ENTREP2: variants seen among roughly 807,000 people sequenced by gnomAD.
The protein encoded by ENTREP2 is endosomal transmembrane epsin interactor 2.
At chr15:29,667,376 G>C in the ENTREP2 span, among the ~76,000 whole-genome samples, 1 of 150,880 alleles carries the variant, frequency 6.6e-6, no homozygotes, top group South Asian at 2.1e-4. Context: ...TTTTAATAGA[G>C]ACGGGGTTTC....
At chr15:29,541,253 G>A in the ENTREP2 span, among the ~76,000 whole-genome samples, 13 of 152,266 alleles carry the variant, frequency 8.5e-5, no homozygotes, top group Middle Eastern at 3.4e-3. Flanking sequence ...AGCACACTGC[G>A]GAAATTTCAA....
the ENTREP2 span, among the ~76,000 whole-genome samples, chr15:29,283,565 T>C: frequency 6.6e-6 from 1 of 152,126 alleles, no homozygotes; most frequent in African/African-American, 2.4e-5. Context: ...TATCATAGCC[T>C]GCAGCTGGGC....
the ENTREP2 span, among the ~76,000 whole-genome samples, chr15:29,272,863 C>G: frequency 6.6e-6 from 1 of 151,968 alleles, no homozygotes; most frequent in Non-Finnish European, 1.5e-5. Context: ...ACATGAAAAC[C>G]CTGACTGCAT....
At chr15:29,396,803 G>A in the ENTREP2 span, among the ~76,000 whole-genome samples, 8 of 152,152 alleles carry the variant, frequency 5.3e-5, no homozygotes, top group South Asian at 1.5e-3. Flanking sequence ...TTAGTTAAGG[G>A]TCCAACTTCA....
the ENTREP2 span, among the ~76,000 whole-genome samples, chr15:29,589,995 G>A: frequency 6.6e-6 from 1 of 152,178 alleles, no homozygotes. Flanking sequence ...CACTCCCAGT[G>A]AATTTCTTTC....
the ENTREP2 span, among the ~76,000 whole-genome samples, chr15:29,345,965 A>G: frequency 6.6e-6 from 1 of 152,100 alleles, no homozygotes. Flanking sequence ...TTCTCACACC[A>G]ATTCCACAAA....
At chr15:29,540,814 T>C in the ENTREP2 span, among the ~76,000 whole-genome samples, 6 of 152,204 alleles carry the variant, frequency 3.9e-5, no homozygotes. Context: ...ACACAGTTAA[T>C]ACCACTGGAA....
At chr15:29,657,092 C>T in the ENTREP2 span, among the ~76,000 whole-genome samples, 1 of 152,140 alleles carries the variant, frequency 6.6e-6, no homozygotes, top group Non-Finnish European at 1.5e-5. Flanking sequence ...CTGTTCCTCA[C>T]GCCAGAGGGC....
chr15:29,373,625 T>TTTA, the ENTREP2 span: 1 of 147,210 alleles, frequency 6.8e-6, no homozygotes, highest in Admixed American at 6.6e-5. Flanking sequence ...TATTTTGCTT[T>TTTA]CTTTTATTTT....
the ENTREP2 span, among the ~76,000 whole-genome samples, chr15:29,611,377 T>TA: frequency 4.2e-3 from 609 of 146,628 alleles, 2 homozygotes; most frequent in African/African-American, 0.012. Flanking sequence ...TAAAACTCAT[T>TA]AAAAAAAAAA....
At chr15:29,279,645 G>A in the ENTREP2 span, among the ~76,000 whole-genome samples, 8 of 152,290 alleles carry the variant, frequency 5.3e-5, no homozygotes, top group Admixed American at 2.6e-4. Flanking sequence ...TTACAGGCAT[G>A]AGCCACCGCG....
At chr15:29,650,840 T>C in the ENTREP2 span, among the ~76,000 whole-genome samples, 1 of 152,130 alleles carries the variant, frequency 6.6e-6, no homozygotes, top group Non-Finnish European at 1.5e-5. Flanking sequence ...AAGACCCTGT[T>C]TCCAAAAAAA....
At chr15:29,252,521 G>A in the ENTREP2 span, 2 of 1,187,072 alleles carry the variant, frequency 1.7e-6, no homozygotes, top group Non-Finnish European at 2.4e-6. Flanking sequence ...CACTTGGAGA[G>A]GCTCAAAGGA....
the ENTREP2 span, chr15:29,613,446 G>A: frequency 2.2e-6 from 1 of 452,292 alleles, no homozygotes; most frequent in Non-Finnish European, 4.4e-6. Flanking sequence ...ACTGGGTGAG[G>A]GCACAGGCTC....
chr15:29,429,144 T>C, the ENTREP2 span, among the ~76,000 whole-genome samples: 9 of 149,906 alleles, frequency 6.0e-5, no homozygotes, highest in Non-Finnish European at 5.9e-5. Context: ...TATCTTGAGA[T>C]GTCTATCTGT....
At chr15:29,243,260 C>T in the ENTREP2 span, among the ~76,000 whole-genome samples, 1 of 152,094 alleles carries the variant, frequency 6.6e-6, no homozygotes. Context: ...TACAAAGTTA[C>T]AGAAAATTTT....
the ENTREP2 span, among the ~76,000 whole-genome samples, chr15:29,226,344 A>G: frequency 6.6e-6 from 1 of 152,212 alleles, no homozygotes; most frequent in East Asian, 1.9e-4. Context: ...TTTGCATGGA[A>G]TCTCTTTATC....
the ENTREP2 span, among the ~76,000 whole-genome samples, chr15:29,208,939 T>C: frequency 6.6e-6 from 1 of 152,122 alleles, no homozygotes; most frequent in Non-Finnish European, 1.5e-5. Context: ...GTCAATTACA[T>C]ATGATTCTAT....
At chr15:29,354,296 C>T in the ENTREP2 span, among the ~76,000 whole-genome samples, 2 of 152,196 alleles carry the variant, frequency 1.3e-5, no homozygotes, top group African/African-American at 4.8e-5. Flanking sequence ...GGCTGAAGCA[C>T]ACCACCAGCC....
Sources: gnomAD v4.1 joint callset for allele counts (sites outside exome capture counted in the v4.1 genomes callset) on GRCh38, gnomAD v4.1.1 for gene constraint, MANE v1.5 for transcripts, NCBI Gene and HGNC (gene_info 2026-07-23, HGNC 2026-07-21) for gene names.